The following RSPH9 variants were observed in gnomAD, a reference collection of about 807,000 sequenced individuals.
RSPH9 encodes the protein radial spoke head protein 9 homolog.
Under a neutral mutation model 27.0 loss-of-function variants are expected in RSPH9, and 27 were observed. The observed-to-expected ratio is 1.00, with a 90% CI of 0.74 to 1.38. The LOEUF is 1.38. Ranked by LOEUF, RSPH9 falls within the 40% of genes most tolerant of loss-of-function variation. RSPH9 has a pLI of 0.00. For synonymous variants in RSPH9, 145 were observed against 147.7 expected, an observed-to-expected ratio of 0.98 and a Z score of 0.13; for missense variants, 347 against 357.4, an observed-to-expected ratio of 0.97 and a Z score of 0.24.
chr6:43,662,622 C>T (rs1772748275), intron 4 of RSPH9, among the ~76,000 whole-genome samples: 1 of 152,174 alleles, frequency 6.6e-6, no homozygotes, highest in African/African-American at 2.4e-5. Context: ...CTGCCTCGGC[C>T]TCCCAAAGCG....
At chr6:43,668,651 C>A (rs934294177) in intron 4 of RSPH9, among the ~76,000 whole-genome samples, 2 of 152,140 alleles carry the variant, frequency 1.3e-5, no homozygotes, top group Non-Finnish European at 2.9e-5. Flanking sequence ...AGGACCAAGC[C>A]CTTGCCCAGG....
intron 2 of RSPH9, among the ~76,000 whole-genome samples, chr6:43,650,977 T>G (rs75417919): frequency 9.9e-5 from 15 of 151,820 alleles, no homozygotes; most frequent in South Asian, 6.2e-4. Flanking sequence ...TTTTTTTTTT[T>G]GGGACAGGAA....
Position 43,658,522 on chromosome 6 carries a change from T to C in RSPH9, c.670+1799T>C, listed in dbSNP as rs535490065. Among the ~76,000 whole-genome samples the C allele has an allele frequency of 2.0e-5, 3 of 152,166 alleles. No individual in the cohort carries two copies. The East Asian group carries it at 5.8e-4, about 29-fold the overall frequency. On this transcript the variant is annotated intron_variant, in intron 4 of 4. Transcript: ENST00000372163. ...CTTTATTTCGTAACAATACTAACGA[T>C]CACCTGACCCTTCAGCGAATCATAA... is the stretch of plus-strand genomic sequence containing the variant.
At position 43,672,148 on chromosome 6, in the gene RSPH9, G is replaced by A; in HGVS notation, c.*1199G>A. 1 of 584,070 alleles carries A rather than the reference G, an allele frequency of 1.7e-6. No individual in the cohort carries two copies. Among genetic ancestry groups the A allele is most frequent in the Non-Finnish European group, 3.1e-6 (1 of 321,962 alleles). The allele number at this position is 584,070 out of a possible 1,614,324, so 36.2% of individuals were successfully genotyped here. On this transcript the variant is annotated 3_prime_UTR_variant, in exon 5 of 5. Coordinates refer to ENST00000372163, the MANE Select transcript of RSPH9 (RefSeq NM_152732.5). ...AGGTTCAGGCAGCCCAGGGCCACAA[G>A]CTCCCTTGATCTTTGTAAATGTCAA...
rs527936719 is a variant in RSPH9 at position 43,649,355 on chromosome 6, A to T, written c.228-1020A>T. Among the ~76,000 whole-genome samples, 243 of 151,704 alleles carry T rather than the reference A, an allele frequency of 1.6e-3. 1 individual carries two copies. Among genetic ancestry groups the T allele is most frequent in the African/African-American group, 5.4e-3 (224 of 41,348 alleles). ...CAGGCGCCCGCCACCAAGCCCAGCT[A>T]ATTTTTTTGTATTTTTAGTAGAGAC... On this transcript the variant is annotated intron_variant, in intron 1 of 4. Coordinates refer to ENST00000372163, the MANE Select transcript of RSPH9 (RefSeq NM_152732.5).
At chr6:43,648,608 G>T (rs1771129779) in intron 1 of RSPH9, among the ~76,000 whole-genome samples, 1 of 152,242 alleles carries the variant, frequency 6.6e-6, no homozygotes, top group Admixed American at 6.5e-5. Flanking sequence ...CCATTGGAAG[G>T]TTCTGCAGAG....
rs1330511333 is a variant in RSPH9, at chr6:43,672,369, C to T, written c.*1420C>T. On this transcript the variant is annotated 3_prime_UTR_variant, in exon 5 of 5. Coordinates refer to ENST00000372163, the MANE Select transcript of RSPH9 (RefSeq NM_152732.5). Reference sequence around the variant, plus strand: ...CAGGGTACTATAACTGGTATAAGACCCCTGCCCCTCACCCAACCTGTGATG... The same window carrying T: ...CAGGGTACTATAACTGGTATAAGACTCCTGCCCCTCACCCAACCTGTGATG... 1 of 471,842 alleles carries T rather than the reference C, an allele frequency of 2.1e-6. No individual in the cohort carries two copies. The highest frequency in any genetic ancestry group is 2.0e-5 in the African/African-American group (1 of 50,120). The allele number at this position is 471,842 out of a possible 1,614,324, so 29.2% of individuals were successfully genotyped here.
intron 4 of RSPH9, among the ~76,000 whole-genome samples, chr6:43,657,908 T>A (rs1471225067): frequency 6.6e-6 from 1 of 152,206 alleles, no homozygotes; most frequent in African/African-American, 2.4e-5. Context: ...TCAGGCCTGG[T>A]GAGTATTTGG....
chr6:43,666,464 G>C (rs200578053), intron 4 of RSPH9: 2 of 1,550,578 alleles, frequency 1.3e-6, no homozygotes, highest in South Asian at 2.4e-5. Context: ...CGTGGCTTCT[G>C]AGCAGGTGTG....
At chr6:43,649,650 C>T (rs148640123) in intron 1 of RSPH9, among the ~76,000 whole-genome samples, 38 of 152,140 alleles carry the variant, frequency 2.5e-4, no homozygotes, top group African/African-American at 8.9e-4. Context: ...GGTGAGTGCT[C>T]CCGAAGGCCT....
chr6:43,666,571 C>A, intron 4 of RSPH9: 1 of 1,236,428 alleles, frequency 8.1e-7, no homozygotes, highest in Non-Finnish European at 1.1e-6. Flanking sequence ...ACAAGAGACA[C>A]CTTGGCTGAA....
At chr6:43,669,783 G>A (rs1194143339) in intron 4 of RSPH9, among the ~76,000 whole-genome samples, 1 of 152,186 alleles carries the variant, frequency 6.6e-6, no homozygotes, top group East Asian at 1.9e-4. Flanking sequence ...CTCGGTTCTG[G>A]AGCTTAATCA....
intron 4 of RSPH9, among the ~76,000 whole-genome samples, chr6:43,662,374 T>C (rs1772720994): frequency 6.6e-6 from 1 of 151,808 alleles, no homozygotes; most frequent in Non-Finnish European, 1.5e-5. Flanking sequence ...CACTTTCTTT[T>C]TTTTTTTTTT....
intron 2 of RSPH9, among the ~76,000 whole-genome samples, chr6:43,650,846 A>G (rs1165917804): frequency 1.3e-5 from 2 of 151,236 alleles, no homozygotes; most frequent in Non-Finnish European, 2.9e-5. Context: ...GTGAGCTTGC[A>G]GTGAGCTGAG....
At chr6:43,660,780 A>G (rs1396768254) in intron 4 of RSPH9, among the ~76,000 whole-genome samples, 1 of 152,204 alleles carries the variant, frequency 6.6e-6, no homozygotes, top group Non-Finnish European at 1.5e-5. Flanking sequence ...GAATATTCTT[A>G]ATGTCATCTA....
chr6:43,666,726 C>T (rs1773170009), intron 4 of RSPH9, among the ~76,000 whole-genome samples: 1 of 152,114 alleles, frequency 6.6e-6, no homozygotes, highest in Non-Finnish European at 1.5e-5. Context: ...AGTTCTCTGA[C>T]CTTGGGCTGC....
Position 43,671,087 on chromosome 6 carries a change from G to C in RSPH9, c.*138G>C. On this transcript the variant is annotated 3_prime_UTR_variant, in exon 5 of 5. Coordinates refer to ENST00000372163, the MANE Select transcript of RSPH9 (RefSeq NM_152732.5). ...TTCCAGATTCTGAAAGGCCCACTGAGCCAGGGAGCTCATTTCTAAACCAAG... is the reference window on the plus strand; with the variant it reads ...TTCCAGATTCTGAAAGGCCCACTGACCCAGGGAGCTCATTTCTAAACCAAG... 1.9e-6 allele frequency: 2 copies of C among 1,062,196 alleles called. No homozygotes were observed. Among genetic ancestry groups the C allele is most frequent in the Non-Finnish European group, 2.8e-6 (2 of 714,966 alleles). 65.8% of individuals were successfully genotyped at this position (1,062,196 alleles called of 1,614,324 possible). A position where few individuals can be genotyped will look rare whatever the true frequency, so the allele number is the denominator to read the frequency against.
At position 43,650,564 on chromosome 6, in the gene RSPH9, G is replaced by T. The variant is rs368242248; in HGVS notation, c.393+24G>T. 9 of 1,613,444 alleles carry T rather than the reference G, an allele frequency of 5.6e-6. No homozygotes were observed. The East Asian group carries it at 2.0e-4, about 36-fold the overall frequency. ...TGGTGAGTGAAGAGGAGAGCAGGAG[G>T]AGGGCCTAAAAGAGAGCCTGGGCTC... is the stretch of plus-strand genomic sequence containing the variant. On this transcript the variant is annotated intron_variant, in intron 2 of 4. Transcript: ENST00000372163.
Position 43,666,540 on chromosome 6 carries a change from T to C in RSPH9, c.671-4249T>C. Reference sequence around the variant, plus strand: ...CATGAGGTAGGCCAACGACTCCGCATCTTGTCCCTTGGCCAAAGTGACAAG... The same window carrying C: ...CATGAGGTAGGCCAACGACTCCGCACCTTGTCCCTTGGCCAAAGTGACAAG... On this transcript the variant is annotated intron_variant, in intron 4 of 4. Coordinates refer to ENST00000372163, the MANE Select transcript of RSPH9 (RefSeq NM_152732.5). The C allele has an allele frequency of 3.4e-6, 5 of 1,488,574 alleles. No individual in the cohort carries two copies. The South Asian group carries it at 6.1e-5, about 18-fold the overall frequency. 92.2% of individuals were successfully genotyped at this position (1,488,574 alleles called of 1,614,324 possible). A position where few individuals can be genotyped will look rare whatever the true frequency, so the allele number is the denominator to read the frequency against.
Sources: allele counts gnomAD v4.1 joint callset (sites outside exome capture counted in the v4.1 genomes callset), GRCh38; gene constraint gnomAD v4.1.1; transcripts MANE v1.5; gene names NCBI Gene and HGNC (gene_info 2026-07-23, HGNC 2026-07-21).